Variants in SEC23IP observed in about 807,000 individuals in gnomAD.
SEC23IP encodes SEC23-interacting protein.
In SEC23IP, 70 loss-of-function variants were observed where a neutral mutation model predicts 113.4. The observed-to-expected ratio is 0.62, with a 90% CI of 0.51 to 0.75. The LOEUF is 0.75. Among genes scored for constraint, SEC23IP ranks in the 30% least tolerant of loss-of-function variants. SEC23IP has a pLI of 0.00. For missense variants in SEC23IP, 1,160 were observed against 1,204.9 expected, an observed-to-expected ratio of 0.96 and a Z score of 0.55; for synonymous variants, 398 against 421.0, an observed-to-expected ratio of 0.95 and a Z score of 0.67.
At chr10:119,921,083 A>G in intron 12 of SEC23IP, 99 bp downstream of exon 12, 3 of 806,544 alleles carry the variant, frequency 3.7e-6, no homozygotes, top group Non-Finnish European at 6.0e-6. Context: ...TAGGTAAGCT[A>G]GTTTGCTCCC....
rs768657516 is a variant in SEC23IP at position 119,919,605 on chromosome 10, C to G, written c.2025+9C>G. The G allele has an allele frequency of 6.4e-7, 1 of 1,564,582 alleles. No homozygotes were observed. The highest frequency in any genetic ancestry group is 2.3e-5 in the East Asian group (1 of 43,962). On this transcript the variant is annotated intron_variant, in intron 11 of 18. Transcript: ENST00000369075. ...TTGATATGGAGTCCCTGGTACTGAT[C>G]ATAGTTTGCTTCATTTTGTTTGAAA... is the stretch of plus-strand genomic sequence containing the variant.
intron 13 of SEC23IP, among the ~76,000 whole-genome samples, chr10:119,927,007 C>T (rs183937236): frequency 1.3e-5 from 2 of 152,228 alleles, no homozygotes; most frequent in Non-Finnish European, 2.9e-5. Context: ...TAAGGGATAC[C>T]TCCTACCTCA....
In SEC23IP at chr10:119,902,862, G is replaced by T. The variant is rs142266445; in HGVS notation, c.760G>T (p.Val254Phe). The T allele has an allele frequency of 5.7e-5, 92 of 1,614,036 alleles. No individual in the cohort carries two copies. The highest frequency in any genetic ancestry group is 7.4e-5 in the Non-Finnish European group (87 of 1,180,036). The change falls in exon 3 of 19, where the codon GTT becomes TTT. Residue 254 changes from valine (V) to phenylalanine (F), a missense_variant. Physicochemically the swap from Val to Phe is conservative, Grantham distance 50. Transcript: ENST00000369075. ...QVPARPGAPSVQVPSPFLLQN... is the reference protein window; with the variant it reads ...QVPARPGAPSFQVPSPFLLQN... ...ACCTGCCAGACCTGGGGCTCCCTCT[G>T]TTCAAGTGCCATCTCCTTTTCTACT...
chr10:119,918,995 ATTT>A (rs61207350), intron 10 of SEC23IP, among the ~76,000 whole-genome samples: 1 of 143,810 alleles, frequency 7.0e-6, no homozygotes, highest in East Asian at 2.0e-4. Flanking sequence ...AGAATATTCA[ATTT>A]TTTTTTTTTT....
chr10:119,920,295 TACTC>T (rs1855207564), intron 11 of SEC23IP, among the ~76,000 whole-genome samples: 1 of 152,204 alleles, frequency 6.6e-6, no homozygotes, highest in Non-Finnish European at 1.5e-5. Context: ...TCTACAAGGA[TACTC>T]ACAGCAGTGT....
Position 119,909,126 on chromosome 10 carries a change from C to T in SEC23IP, c.1187C>T (p.Pro396Leu), listed in dbSNP as rs1399520641. ...PSGETIVMHNPKVIVQFQPSS... is the reference protein window; with the variant it reads ...PSGETIVMHNLKVIVQFQPSS... ...GGAGAGACAATTGTTATGCACAATCCAAAGGTAATGATGGTGTTCAAAATT... is the reference window on the plus strand; with the variant it reads ...GGAGAGACAATTGTTATGCACAATCTAAAGGTAATGATGGTGTTCAAAATT... The change falls in exon 5 of 19, where the codon CCA becomes CTA. Residue 396 changes from proline (P) to leucine (L), a missense_variant. Pro to Leu is a moderately conservative substitution (Grantham distance 98). Coordinates refer to ENST00000369075, the MANE Select transcript of SEC23IP (RefSeq NM_007190.4). 1.2e-6 allele frequency: 2 copies of T among 1,601,090 alleles called. No individual in the cohort carries two copies. Among genetic ancestry groups the T allele is most frequent in the East Asian group, 2.2e-5 (1 of 44,704 alleles).
At position 119,898,753 on chromosome 10, in the gene SEC23IP, C is replaced by A; in HGVS notation, c.490C>A (p.Pro164Thr). 1 of 1,614,132 alleles carries A rather than the reference C, an allele frequency of 6.2e-7. No homozygotes were observed. The highest frequency in any genetic ancestry group is 8.5e-7 in the Non-Finnish European group (1 of 1,180,030). The change falls in exon 2 of 19, where the codon CCT becomes ACT. Residue 164 changes from proline to threonine, a missense_variant. Pro to Thr is a conservative substitution (Grantham distance 38, BLOSUM62 -1). Coordinates refer to ENST00000369075, the MANE Select transcript of SEC23IP (RefSeq NM_007190.4). Reference sequence around the variant, plus strand: ...TCTGCCTTCTCAGCCAAGTAGTCTCCCTCCTTCATATTTTGGGAACCAACC... The same window carrying A: ...TCTGCCTTCTCAGCCAAGTAGTCTCACTCCTTCATATTTTGGGAACCAACC... ...SYLPSQPSSL[P>T]PSYFGNQPQG...
At chr10:119,921,368 C>G (rs1220274133) in intron 12 of SEC23IP, among the ~76,000 whole-genome samples, 1 of 152,204 alleles carries the variant, frequency 6.6e-6, no homozygotes, top group Admixed American at 6.5e-5. Flanking sequence ...GAGATGGGAT[C>G]TTGCTGTGTT....
chr10:119,943,765 A>G lies in SEC23IP; in HGVS notation c.*3200A>G, dbSNP rs1856015901. ...TCAGATTAAGTGAAATGAGTTTCAC[A>G]TATTTCAATATATGAAATTTTATGA... On this transcript the variant is annotated 3_prime_UTR_variant, in exon 19 of 19. Coordinates refer to ENST00000369075, the MANE Select transcript of SEC23IP (RefSeq NM_007190.4). 1 of 152,216 alleles carries G rather than the reference A, an allele frequency of 6.6e-6. No individual in the cohort carries two copies. 9.4% of individuals were successfully genotyped at this position (152,216 alleles called of 1,614,324 possible). A position where few individuals can be genotyped will look rare whatever the true frequency, so the allele number is the denominator to read the frequency against.
chr10:119,896,151 G>A (rs890995661), intron 1 of SEC23IP, among the ~76,000 whole-genome samples: 8 of 152,200 alleles, frequency 5.3e-5, no homozygotes, highest in South Asian at 2.1e-4. Context: ...GCAGATGTGC[G>A]AGATGTGTGG....
At chr10:119,903,442 T>C (rs1353172557) in intron 3 of SEC23IP, among the ~76,000 whole-genome samples, 1 of 152,194 alleles carries the variant, frequency 6.6e-6, no homozygotes, top group Non-Finnish European at 1.5e-5. Context: ...AGGAGTACAT[T>C]AATGCTTTGA....
rs1854771646 is a variant in SEC23IP, at chr10:119,909,037, A to G, written c.1102-4A>G. 1 of 1,592,594 alleles carries G rather than the reference A, an allele frequency of 6.3e-7. No homozygotes were observed. Among genetic ancestry groups the G allele is most frequent in the Non-Finnish European group, 8.6e-7 (1 of 1,166,884 alleles). ...TGGAATATATGTTGTTTCCCCCATT[A>G]TAGGCTGAATATAAAAAAGCTGTAA... On this transcript the variant is annotated splice_polypyrimidine_tract_variant and splice_region_variant and intron_variant, in intron 4 of 18. Coordinates refer to ENST00000369075, the MANE Select transcript of SEC23IP (RefSeq NM_007190.4).
intron 4 of SEC23IP, among the ~76,000 whole-genome samples, chr10:119,906,291 A>G (rs1322515957): frequency 6.6e-6 from 1 of 151,682 alleles, no homozygotes; most frequent in Non-Finnish European, 1.5e-5. Context: ...CAGAAAAAAA[A>G]AAAAAAAAAA....
In SEC23IP at chr10:119,909,063, C is replaced by T; in HGVS notation, c.1124C>T (p.Thr375Ile). The T allele has an allele frequency of 6.2e-7, 1 of 1,612,124 alleles. No individual in the cohort carries two copies. Among genetic ancestry groups the T allele is most frequent in the Admixed American group, 1.7e-5 (1 of 59,776 alleles). The change falls in exon 5 of 19, where the codon ACC becomes ATC. Residue 375 changes from threonine (T) to isoleucine (I), a missense_variant. Thr to Ile is a moderately conservative substitution (Grantham distance 89, BLOSUM62 -1). Coordinates refer to ENST00000369075, the MANE Select transcript of SEC23IP (RefSeq NM_007190.4). ...KLEAEYKKAV[T>I]TNQWHRRLEF... ...TAGGCTGAATATAAAAAAGCTGTAACCACTAATCAGTGGCACCGAAGATTA... is the reference window on the plus strand; with the variant it reads ...TAGGCTGAATATAAAAAAGCTGTAATCACTAATCAGTGGCACCGAAGATTA...
At chr10:119,912,250 T>C in intron 6 of SEC23IP, 86 bp downstream of exon 6, 1 of 1,385,748 alleles carries the variant, frequency 7.2e-7, no homozygotes, top group Middle Eastern at 1.9e-4. Context: ...AAATAAACAG[T>C]TATTAGAATG....
chr10:119,918,076 C>T (rs1417863847), intron 9 of SEC23IP, 32 bp downstream of exon 9: 2 of 1,568,320 alleles, frequency 1.3e-6, no homozygotes, highest in Non-Finnish European at 1.8e-6. Flanking sequence ...ATTTTAAATA[C>T]AATTTTTGTT....
chr10:119,934,125 C>A lies in SEC23IP; in HGVS notation c.*20+338C>A, dbSNP rs547343230. ...AAACAAATAGAGGTTTATTTTTCTTCCGTAACAAGAAGGGTTCTTCTGTTG... is the reference window on the plus strand; with the variant it reads ...AAACAAATAGAGGTTTATTTTTCTTACGTAACAAGAAGGGTTCTTCTGTTG... On this transcript the variant is annotated intron_variant, in intron 18 of 18. Coordinates refer to ENST00000369075, the MANE Select transcript of SEC23IP (RefSeq NM_007190.4). 3.3e-5 allele frequency among the ~76,000 whole-genome samples: 5 copies of A among 152,276 alleles called. No homozygotes were observed. In the East Asian group the frequency reaches 9.6e-4, roughly 29 times the overall value.
chr10:119,925,950 T>C, intron 12 of SEC23IP, 86 bp from the exon 13 acceptor site: 1 of 1,115,318 alleles, frequency 9.0e-7, no homozygotes, highest in Non-Finnish European at 1.3e-6. Flanking sequence ...AATCATTCCT[T>C]AATACTGAGA....
At chr10:119,914,854 T>A in intron 7 of SEC23IP, 35 bp downstream of exon 7, 1 of 1,567,342 alleles carries the variant, frequency 6.4e-7, no homozygotes, top group Non-Finnish European at 8.8e-7. Context: ...CATGGGATGA[T>A]CTGAGAACTA....
Sources: gnomAD v4.1 joint callset for allele counts (sites outside exome capture counted in the v4.1 genomes callset) on GRCh38, gnomAD v4.1.1 for gene constraint, MANE v1.5 for transcripts, NCBI Gene and HGNC (gene_info 2026-07-23, HGNC 2026-07-21) for gene names.